The following SORCS3 variants were observed in gnomAD, a reference collection of about 807,000 sequenced individuals.
SORCS3 encodes the protein VPS10 domain-containing receptor SorCS3.
Under a neutral mutation model 146.3 loss-of-function variants are expected in SORCS3, and 57 were observed. That is an observed-to-expected ratio of 0.39 (90% CI 0.31 to 0.49). SORCS3 has a LOEUF of 0.49. SORCS3 is among the 20% of genes least tolerant of loss of function. The probability of loss-of-function intolerance (pLI) is 0.92; values close to 1 mark genes in which losing one functional copy is unlikely to be tolerated. For synonymous variants in SORCS3, 653 were observed against 618.5 expected (o/e 1.06, Z -0.83); for missense variants, 1,341 against 1,575.5 (o/e 0.85, Z 2.52).
chr10:105,252,676 A>G (rs2056907837), intron 22 of SORCS3, 99 bp from the exon 23 acceptor site: 6 of 1,472,278 alleles, frequency 4.1e-6, no homozygotes, highest in Non-Finnish European at 5.6e-6. Flanking sequence ...CATTTGAAAA[A>G]CTCACATGAG....
intron 4 of SORCS3, among the ~76,000 whole-genome samples, chr10:104,992,090 C>T (rs560496084): frequency 8.5e-5 from 13 of 152,192 alleles, no homozygotes; most frequent in African/African-American, 2.9e-4. Flanking sequence ...GAGATATTCC[C>T]GAGACATATG....
intron 3 of SORCS3, among the ~76,000 whole-genome samples, chr10:104,941,556 C>T (rs1054548257): frequency 2.0e-5 from 3 of 152,086 alleles, no homozygotes; most frequent in Admixed American, 6.6e-5. Flanking sequence ...CAGCTTTGTT[C>T]CCAGTTTATA....
At chr10:104,962,266 A>T (rs1271224347) in intron 3 of SORCS3, among the ~76,000 whole-genome samples, 1 of 152,092 alleles carries the variant, frequency 6.6e-6, no homozygotes, top group Non-Finnish European at 1.5e-5. Flanking sequence ...GTGATTTGAA[A>T]AAACTCTGAG....
intron 7 of SORCS3, among the ~76,000 whole-genome samples, chr10:105,126,149 G>C (rs1205530308): frequency 6.6e-6 from 1 of 152,104 alleles, no homozygotes; most frequent in Non-Finnish European, 1.5e-5. Context: ...ACTAATAAGA[G>C]TATTGAGCAG....
At chr10:104,693,541 G>A (rs2016138916) in intron 1 of SORCS3, among the ~76,000 whole-genome samples, 1 of 152,178 alleles carries the variant, frequency 6.6e-6, no homozygotes, top group Admixed American at 6.5e-5. Flanking sequence ...TTGGGTGGGT[G>A]TTGAGGATTA....
chr10:104,946,598 G>A (rs950563758), intron 3 of SORCS3, among the ~76,000 whole-genome samples: 12 of 152,164 alleles, frequency 7.9e-5, no homozygotes, highest in Admixed American at 3.9e-4. Context: ...GAAGTTGCCC[G>A]TAGGTTGGTA....
chr10:105,240,712 G>A (rs1173576320), intron 20 of SORCS3, among the ~76,000 whole-genome samples: 4 of 152,032 alleles, frequency 2.6e-5, no homozygotes. Flanking sequence ...TCAACAGTGT[G>A]TACTTACTGA....
chr10:105,216,961 A>G lies in SORCS3; in HGVS notation c.2573A>G (p.Gln858Arg), dbSNP rs755370138. The G allele has an allele frequency of 5.6e-6, 9 of 1,614,222 alleles. No homozygotes were observed. The highest frequency in any genetic ancestry group is 6.8e-6 in the Non-Finnish European group (8 of 1,180,032). Residue 858 changes from glutamine (Q) to arginine (R), a missense_variant, in exon 19 of 27, where the codon CAG becomes CGG. Transcript: ENST00000369701. Reference protein sequence around the residue: ...EEGDLQRTNIQLDFGDGIAVS... With the variant: ...EEGDLQRTNIRLDFGDGIAVS... ...GGTGATCTACAAAGGACAAACATCC[A>G]GCTTGACTTTGGGGATGGGATTGCT...
intron 2 of SORCS3, among the ~76,000 whole-genome samples, chr10:104,881,232 C>T (rs559217912): frequency 6.6e-6 from 1 of 152,208 alleles, no homozygotes; most frequent in East Asian, 1.9e-4. Context: ...ATGAGAGATA[C>T]AAATATGGGT....
In SORCS3 at chr10:104,645,761, T is replaced by C. The variant is rs369409130; in HGVS notation, c.627+3807T>C. Among the ~76,000 whole-genome samples, 11 of 152,326 alleles carry C rather than the reference T, an allele frequency of 7.2e-5. No individual in the cohort carries two copies. In the East Asian group the frequency reaches 1.7e-3, roughly 24 times the overall value. On this transcript the variant is annotated intron_variant, in intron 1 of 26. Coordinates refer to ENST00000369701, the MANE Select transcript of SORCS3 (RefSeq NM_014978.3). ...GGCAGGATTTCCTACCCTTAACTAA[T>C]TCAGCTGGACTGTGTTCTAAAATAT...
At chr10:104,890,461 T>A (rs1047807734) in intron 2 of SORCS3, among the ~76,000 whole-genome samples, 3 of 152,212 alleles carry the variant, frequency 2.0e-5, no homozygotes, top group African/African-American at 7.2e-5. Context: ...TTCCTTGTAA[T>A]GTCTAATCTG....
At chr10:105,163,416 C>G (rs2056283535) in intron 11 of SORCS3, among the ~76,000 whole-genome samples, 1 of 152,154 alleles carries the variant, frequency 6.6e-6, no homozygotes, top group African/African-American at 2.4e-5. Context: ...TCAGAACTTC[C>G]TCAAGTGCAC....
chr10:105,176,416 A>C (rs2056402628), intron 13 of SORCS3, among the ~76,000 whole-genome samples: 1 of 151,998 alleles, frequency 6.6e-6, no homozygotes, highest in Non-Finnish European at 1.5e-5. Flanking sequence ...AGCCAGGTCC[A>C]GTGGTACACA....
At chr10:104,759,256 T>C (rs1311322432) in intron 1 of SORCS3, among the ~76,000 whole-genome samples, 1 of 152,146 alleles carries the variant, frequency 6.6e-6, no homozygotes, top group Non-Finnish European at 1.5e-5. Context: ...GATAATCCCT[T>C]AAAAGGAAGC....
chr10:104,701,465 G>A (rs2016278833), intron 1 of SORCS3, among the ~76,000 whole-genome samples: 1 of 152,138 alleles, frequency 6.6e-6, no homozygotes, highest in Admixed American at 6.5e-5. Flanking sequence ...TTTCAAAAGG[G>A]TAGCACCTTC....
chr10:105,155,967 CTT>C (rs991116635), intron 9 of SORCS3, among the ~76,000 whole-genome samples: 13 of 152,180 alleles, frequency 8.5e-5, no homozygotes, highest in African/African-American at 3.1e-4. Flanking sequence ...GAAGAGAAGA[CTT>C]TTTATTTCGT....
chr10:105,087,315 G>T (rs1275077703), intron 5 of SORCS3, among the ~76,000 whole-genome samples: 1 of 152,102 alleles, frequency 6.6e-6, no homozygotes, highest in South Asian at 2.1e-4. Flanking sequence ...GTAGCATGTT[G>T]TTTGGTTACT....
At chr10:105,174,784 G>A (rs2056386394) in intron 13 of SORCS3, among the ~76,000 whole-genome samples, 1 of 152,096 alleles carries the variant, frequency 6.6e-6, no homozygotes, top group Non-Finnish European at 1.5e-5. Context: ...CCTTCCGTGT[G>A]AACTCATTTC....
intron 1 of SORCS3, among the ~76,000 whole-genome samples, chr10:104,733,242 G>A (rs1166892759): frequency 6.6e-6 from 1 of 152,116 alleles, no homozygotes; most frequent in Non-Finnish European, 1.5e-5. Context: ...GAGGGTCAAG[G>A]GACCTGCACA....
Sources: gnomAD v4.1 joint callset for allele counts (sites outside exome capture counted in the v4.1 genomes callset) on GRCh38, gnomAD v4.1.1 for gene constraint, MANE v1.5 for transcripts, NCBI Gene and HGNC (gene_info 2026-07-23, HGNC 2026-07-21) for gene names.